Variants in FTO observed in about 807,000 individuals in gnomAD.
FTO encodes the protein FTO alpha-ketoglutarate dependent dioxygenase, also known as alpha-ketoglutarate-dependent dioxygenase FTO.
Under a neutral mutation model 63.9 loss-of-function variants are expected in FTO, and 47 were observed. The observed-to-expected ratio is 0.74, with a 90% confidence interval of 0.58 to 0.94. The LOEUF (loss-of-function observed/expected upper bound fraction) is 0.94. Among genes scored for constraint, FTO ranks in the 40% least tolerant of loss-of-function variants. The pLI is 0.00. For missense variants in FTO, 562 were observed against 618.1 expected (o/e 0.91, Z 0.96); for synonymous variants, 207 against 224.4 (o/e 0.92, Z 0.69).
At chr16:53,817,320 G>C (rs1175943106) in intron 2 of FTO, among the ~76,000 whole-genome samples, 1 of 152,204 alleles carries the variant, frequency 6.6e-6, no homozygotes, top group Non-Finnish European at 1.5e-5. Flanking sequence ...TGGAGCTCTA[G>C]TTTGCATCAT....
At chr16:53,746,271 A>G (rs2076650014) in intron 1 of FTO, among the ~76,000 whole-genome samples, 1 of 152,146 alleles carries the variant, frequency 6.6e-6, no homozygotes, top group African/African-American at 2.4e-5. Flanking sequence ...TCCCTGCCAC[A>G]GTGACTTTGG....
At chr16:53,883,888 CT>C (rs1307944118) in intron 6 of FTO, among the ~76,000 whole-genome samples, 1 of 152,176 alleles carries the variant, frequency 6.6e-6, no homozygotes, top group Non-Finnish European at 1.5e-5. Flanking sequence ...AGATATTGTT[CT>C]TTTGCCATAC....
chr16:53,947,582 A>G (rs1385094990), intron 8 of FTO, among the ~76,000 whole-genome samples: 1 of 152,022 alleles, frequency 6.6e-6, no homozygotes, highest in African/African-American at 2.4e-5. Context: ...TGTGGTGGTG[A>G]TTTTTCATAT....
At chr16:53,893,868 T>C (rs544385671) in intron 7 of FTO, among the ~76,000 whole-genome samples, 23 of 152,338 alleles carry the variant, frequency 1.5e-4, no homozygotes, top group African/African-American at 5.1e-4. Context: ...GACAATTCCT[T>C]GTGCTGTTAT....
chr16:54,100,975 T>A (rs1599368331), intron 8 of FTO, among the ~76,000 whole-genome samples: 1 of 152,238 alleles, frequency 6.6e-6, no homozygotes, highest in African/African-American at 2.4e-5. Flanking sequence ...TTCATGACCA[T>A]AAGTGGCCCT....
At chr16:53,773,032 G>A (rs1379653316) in intron 1 of FTO, among the ~76,000 whole-genome samples, 5 of 151,612 alleles carry the variant, frequency 3.3e-5, no homozygotes, top group Admixed American at 3.3e-4. Flanking sequence ...GATGATTATT[G>A]GTAAAGTAAA....
intron 7 of FTO, among the ~76,000 whole-genome samples, chr16:53,909,976 C>G (rs552972883): frequency 1.3e-5 from 2 of 152,246 alleles, no homozygotes; most frequent in East Asian, 3.9e-4. Flanking sequence ...CTCCTGGGCT[C>G]AAGCGCTCCT....
At chr16:53,883,202 A>G (rs949750345) in intron 6 of FTO, among the ~76,000 whole-genome samples, 1 of 152,170 alleles carries the variant, frequency 6.6e-6, no homozygotes, top group Non-Finnish European at 1.5e-5. Context: ...TAACATGCAT[A>G]TGGGCTGTTG....
At chr16:53,809,664 G>A (rs1053545839) in intron 1 of FTO, among the ~76,000 whole-genome samples, 1 of 152,062 alleles carries the variant, frequency 6.6e-6, no homozygotes, top group African/African-American at 2.4e-5. Context: ...GTAATTGACT[G>A]GGTGCCATGA....
chr16:54,012,023 G>C (rs1365420765), intron 8 of FTO, among the ~76,000 whole-genome samples: 2 of 152,186 alleles, frequency 1.3e-5, no homozygotes, highest in Admixed American at 6.5e-5. Context: ...ATCTCTCACT[G>C]TAATTCAAAA....
At chr16:53,917,721 T>A (rs1156612637) in intron 7 of FTO, among the ~76,000 whole-genome samples, 1 of 151,252 alleles carries the variant, frequency 6.6e-6, no homozygotes, top group African/African-American at 2.4e-5. Flanking sequence ...TGTGTGTGTG[T>A]GTGTGTGTGT....
intron 4 of FTO, among the ~76,000 whole-genome samples, chr16:53,867,493 ATGTGTGTG>A (rs150516029): frequency 1.9e-4 from 27 of 140,330 alleles, no homozygotes; most frequent in African/African-American, 3.4e-4. Flanking sequence ...TACGCCACAT[ATGTGTGTG>A]TGTGTGTGTG....
intron 1 of FTO, among the ~76,000 whole-genome samples, chr16:53,752,762 G>A (rs2076828949): frequency 6.6e-6 from 1 of 151,974 alleles, no homozygotes; most frequent in Non-Finnish European, 1.5e-5. Context: ...GTATCTGCAG[G>A]GCAAGAATGT....
chr16:53,773,152 C>CCA (rs554590021), intron 1 of FTO, among the ~76,000 whole-genome samples: 30 of 150,374 alleles, frequency 2.0e-4, no homozygotes, highest in Admixed American at 6.0e-4. Flanking sequence ...TTTAGAAAGG[C>CCA]CAAGGTAGGG....
At chr16:54,006,182 A>G (rs2084199052) in intron 8 of FTO, among the ~76,000 whole-genome samples, 1 of 152,210 alleles carries the variant, frequency 6.6e-6, no homozygotes, top group African/African-American at 2.4e-5. Context: ...TTTCTAGCTT[A>G]CTAAGCCCTA....
intron 7 of FTO, among the ~76,000 whole-genome samples, chr16:53,906,973 C>T (rs917773281): frequency 2.6e-5 from 4 of 152,170 alleles, no homozygotes; most frequent in African/African-American, 7.2e-5. Context: ...CTCCTGCTAC[C>T]AGCCTTCCTC....
intron 1 of FTO, among the ~76,000 whole-genome samples, chr16:53,732,263 G>A (rs1261365473): frequency 6.6e-6 from 1 of 151,448 alleles, no homozygotes; most frequent in Non-Finnish European, 1.5e-5. Flanking sequence ...ATGTTAGCCA[G>A]CATGGTCTCG....
At chr16:53,861,121 G>A (rs967511065) in intron 4 of FTO, among the ~76,000 whole-genome samples, 4 of 152,010 alleles carry the variant, frequency 2.6e-5, no homozygotes, top group Non-Finnish European at 4.4e-5. Context: ...TATATATATT[G>A]CTACAGTGAA....
chr16:53,983,921 A>G (rs1190981009), intron 8 of FTO, among the ~76,000 whole-genome samples: 4 of 152,198 alleles, frequency 2.6e-5, no homozygotes, highest in African/African-American at 9.7e-5. Context: ...AATATAAAAC[A>G]CTATTTGAAA....
Sources: allele counts gnomAD v4.1 joint callset (sites outside exome capture counted in the v4.1 genomes callset), GRCh38; gene constraint gnomAD v4.1.1; transcripts MANE v1.5; gene names NCBI Gene and HGNC (gene_info 2026-07-23, HGNC 2026-07-21).